DGKB: variants seen among roughly 807,000 people sequenced by gnomAD.
DGKB encodes 90 kDa diacylglycerol kinase.
Under a neutral mutation model 114.3 loss-of-function variants are expected in DGKB, and 67 were observed. That is an observed-to-expected ratio of 0.59 (90% confidence interval 0.48 to 0.72). DGKB has a LOEUF of 0.72. DGKB is among the 30% of genes least tolerant of loss of function. DGKB has a pLI of 0.00. For missense variants in DGKB, 907 were observed against 975.2 expected, an observed-to-expected ratio of 0.93 and a Z score of 0.93; for synonymous variants, 398 against 323.1, an observed-to-expected ratio of 1.23 and a Z score of -2.49.
At chr7:14,446,670 G>C (rs1830763505) in intron 21 of DGKB, among the ~76,000 whole-genome samples, 1 of 152,068 alleles carries the variant, frequency 6.6e-6, no homozygotes, top group Admixed American at 6.6e-5. Flanking sequence ...CTCAATATTT[G>C]CTCAATTTGT....
chr7:14,863,872 G>A (rs1397581944), intron 1 of DGKB, among the ~76,000 whole-genome samples: 2 of 152,016 alleles, frequency 1.3e-5, no homozygotes, highest in Admixed American at 6.6e-5. Context: ...GGCCTAGGAG[G>A]GTGGATCATG....
intron 5 of DGKB, among the ~76,000 whole-genome samples, chr7:14,719,621 C>T (rs923826865): frequency 6.6e-6 from 1 of 151,964 alleles, no homozygotes; most frequent in Non-Finnish European, 1.5e-5. Flanking sequence ...AAACACAGTT[C>T]TAGAACCCTG....
intron 21 of DGKB, among the ~76,000 whole-genome samples, chr7:14,461,563 G>A (rs970975700): frequency 2.0e-5 from 3 of 151,938 alleles, no homozygotes; most frequent in African/African-American, 4.8e-5. Flanking sequence ...GGAAGAAGTC[G>A]AATCCCTGAA....
At chr7:14,857,094 A>C (rs1487229366) in intron 1 of DGKB, among the ~76,000 whole-genome samples, 1 of 152,166 alleles carries the variant, frequency 6.6e-6, no homozygotes, top group Non-Finnish European at 1.5e-5. Context: ...AGTTGACTTT[A>C]AGTTCATCGA....
chr7:14,649,997 A>G (rs1038286042), intron 13 of DGKB, among the ~76,000 whole-genome samples: 1 of 151,164 alleles, frequency 6.6e-6, no homozygotes, highest in Non-Finnish European at 1.5e-5. Context: ...TTCATAAAGC[A>G]AGTCCTGAGT....
intron 25 of DGKB, among the ~76,000 whole-genome samples, chr7:14,159,373 A>G (rs977223890): frequency 6.6e-6 from 1 of 152,084 alleles, no homozygotes; most frequent in African/African-American, 2.4e-5. Context: ...GACCTTCTAC[A>G]ACAAGATCAA....
In DGKB at chr7:14,392,995, G is replaced by GTTTTGTTGTTTTTTTTTTTTTTTT. The variant is rs1554404749; in HGVS notation, c.1836-47605_1836-47604insAAAAAAAAAAAAAAAACAACAAAA. Among the ~76,000 whole-genome samples the GTTTTGTTGTTTTTTTTTTTTTTTT allele has an allele frequency of 3.6e-3, 218 of 60,540 alleles. 7 individuals are homozygous for GTTTTGTTGTTTTTTTTTTTTTTTT. Among genetic ancestry groups the GTTTTGTTGTTTTTTTTTTTTTTTT allele is most frequent in the African/African-American group, 9.7e-3 (200 of 20,676 alleles). The allele number at this position is 60,540 out of a possible 152,430, so 39.7% of individuals were successfully genotyped here. A position where few individuals can be genotyped will look rare whatever the true frequency, so the allele number is the denominator to read the frequency against. Reference sequence around the variant, plus strand: ...CAAAACAGACCTGTTTTTTGTTTTTGTTTTTTTTTTTTTGAGACGGAGTCT... The same window carrying GTTTTGTTGTTTTTTTTTTTTTTTT: ...CAAAACAGACCTGTTTTTTGTTTTTGTTTTGTTGTTTTTTTTTTTTTTTTTTTTTTTTTTTTTGAGACGGAGTCT... On this transcript the variant is annotated intron_variant, in intron 21 of 25. Transcript: ENST00000402815.
chr7:14,203,153 G>T (rs1786166008), intron 23 of DGKB, among the ~76,000 whole-genome samples: 1 of 54,156 alleles, frequency 1.8e-5, no homozygotes, highest in South Asian at 3.9e-4. Flanking sequence ...ATCAAAAAGA[G>T]CAGTAGCCAA....
At chr7:14,704,690 C>T (rs1018154678) in intron 6 of DGKB, among the ~76,000 whole-genome samples, 6 of 152,094 alleles carry the variant, frequency 3.9e-5, no homozygotes, top group Admixed American at 1.3e-4. Context: ...AACTGGGAGG[C>T]ACCCTCCAGC....
chr7:14,370,886 A>C (rs1184985691), intron 21 of DGKB, among the ~76,000 whole-genome samples: 1 of 152,140 alleles, frequency 6.6e-6, no homozygotes, highest in Non-Finnish European at 1.5e-5. Flanking sequence ...CCCAATGTTT[A>C]GCTCTTACTT....
chr7:14,151,495 C>T (rs1048010357), intron 25 of DGKB, among the ~76,000 whole-genome samples: 15 of 151,420 alleles, frequency 9.9e-5, no homozygotes, highest in African/African-American at 3.6e-4. Flanking sequence ...GATTTTATGC[C>T]TTTGAAAAAA....
At chr7:14,582,885 G>A (rs17595234) in intron 18 of DGKB, among the ~76,000 whole-genome samples, 167 bp downstream of exon 18, 57,356 of 151,944 alleles carry the variant, frequency 0.38, 11,478 homozygotes, top group East Asian at 0.68. Flanking sequence ...TTTGCCAGTT[G>A]AATTTTTGAA....
intron 23 of DGKB, among the ~76,000 whole-genome samples, chr7:14,321,135 A>G (rs1036260499): frequency 6.6e-6 from 1 of 152,076 alleles, no homozygotes; most frequent in Non-Finnish European, 1.5e-5. Context: ...TACAAAAAAT[A>G]CAAAACTTAG....
intron 5 of DGKB, among the ~76,000 whole-genome samples, chr7:14,720,611 G>A (rs1585963927): frequency 6.6e-6 from 1 of 151,900 alleles, no homozygotes. Flanking sequence ...CCAAAGTGCT[G>A]GGATTACAGG....
chr7:14,471,819 A>G (rs981999690), intron 21 of DGKB, among the ~76,000 whole-genome samples: 3 of 152,152 alleles, frequency 2.0e-5, no homozygotes, highest in African/African-American at 7.2e-5. Flanking sequence ...ATGAAATAGT[A>G]AATAACTTAC....
chr7:14,747,783 A>G (rs149277010), intron 4 of DGKB, among the ~76,000 whole-genome samples: 20 of 122,720 alleles, frequency 1.6e-4, no homozygotes, highest in African/African-American at 6.9e-4. Context: ...GCGCACGCAC[A>G]CACACACACA....
At chr7:14,713,533 T>C (rs1364322096) in intron 6 of DGKB, among the ~76,000 whole-genome samples, 1 of 151,798 alleles carries the variant, frequency 6.6e-6, no homozygotes, top group Non-Finnish European at 1.5e-5. Context: ...AAAAGACAGC[T>C]TTTCAAAATA....
chr7:14,508,198 A>C (rs1787403413), intron 20 of DGKB, among the ~76,000 whole-genome samples: 1 of 152,236 alleles, frequency 6.6e-6, no homozygotes, highest in African/African-American at 2.4e-5. Context: ...AAGACACTAT[A>C]CACTGAGACT....
intron 23 of DGKB, among the ~76,000 whole-genome samples, chr7:14,203,976 C>T (rs1199305295): frequency 6.6e-6 from 1 of 151,894 alleles, no homozygotes; most frequent in Non-Finnish European, 1.5e-5. Flanking sequence ...ATTCTCTCCT[C>T]CCCCAGCGAA....
Sources: allele counts gnomAD v4.1 joint callset (sites outside exome capture counted in the v4.1 genomes callset), GRCh38; gene constraint gnomAD v4.1.1; transcripts MANE v1.5; gene names NCBI Gene and HGNC (gene_info 2026-07-23, HGNC 2026-07-21).